Variants in CERS6 observed in about 807,000 individuals in gnomAD.
CERS6 encodes LAG1 homolog, ceramide synthase 6.
Under a neutral mutation model 56.8 loss-of-function variants are expected in CERS6, and 26 were observed. The observed-to-expected ratio is 0.46, with a 90% CI of 0.34 to 0.63. The LOEUF (loss-of-function observed/expected upper bound fraction) is 0.63, where lower values mean the gene tolerates loss of function less well. Ranked by LOEUF, CERS6 falls within the 30% of genes least tolerant of loss-of-function variation. CERS6 has a pLI of 0.01. For synonymous variants in CERS6, 164 were observed against 173.3 expected (o/e 0.95, Z 0.42); for missense variants, 415 against 467.5 (o/e 0.89, Z 1.04).
chr2:168,570,047 G>T (rs1695956444), intron 3 of CERS6, among the ~76,000 whole-genome samples: 1 of 152,110 alleles, frequency 6.6e-6, no homozygotes, highest in African/African-American at 2.4e-5. Flanking sequence ...TGGCCACATG[G>T]CTTCCTCAGA....
At chr2:168,483,769 T>A (rs1249168689) in intron 1 of CERS6, among the ~76,000 whole-genome samples, 4 of 152,166 alleles carry the variant, frequency 2.6e-5, no homozygotes, top group African/African-American at 7.2e-5. Flanking sequence ...AATAAATGAA[T>A]AACTAGGCGT....
chr2:168,473,384 A>G (rs1051506696), intron 1 of CERS6, among the ~76,000 whole-genome samples: 12 of 152,106 alleles, frequency 7.9e-5, no homozygotes, highest in Non-Finnish European at 5.9e-5. Flanking sequence ...TAGTATCTCT[A>G]CAAAAAGGGC....
At chr2:168,618,282 A>C (rs1684367714) in intron 3 of CERS6, among the ~76,000 whole-genome samples, 1 of 152,188 alleles carries the variant, frequency 6.6e-6, no homozygotes, top group Non-Finnish European at 1.5e-5. Flanking sequence ...ATAATACTGA[A>C]TGGGGAAAAG....
chr2:168,680,493 G>A (rs116748035), intron 4 of CERS6, among the ~76,000 whole-genome samples: 1,988 of 152,254 alleles, frequency 0.013, 19 homozygotes, highest in Non-Finnish European at 0.021. Context: ...TCTGCTCACT[G>A]ACTACATTCT....
At chr2:168,746,651 C>T (rs976862312) in intron 8 of CERS6, among the ~76,000 whole-genome samples, 7 of 151,300 alleles carry the variant, frequency 4.6e-5, no homozygotes, top group South Asian at 2.1e-4. Context: ...TGAGTTTTAT[C>T]CCCTTGGTAC....
chr2:168,716,420 TG>T (rs974331819), intron 7 of CERS6, among the ~76,000 whole-genome samples: 10 of 152,098 alleles, frequency 6.6e-5, no homozygotes, highest in African/African-American at 2.2e-4. Context: ...GCATGATGTT[TG>T]GTAGTGCCAT....
chr2:168,520,110 A>C (rs1396138983), intron 1 of CERS6, among the ~76,000 whole-genome samples: 1 of 152,082 alleles, frequency 6.6e-6, no homozygotes, highest in Non-Finnish European at 1.5e-5. Context: ...TTGATTTTTT[A>C]ATAATAGCCA....
At chr2:168,629,782 G>A (rs1421159238) in intron 3 of CERS6, among the ~76,000 whole-genome samples, 1 of 151,996 alleles carries the variant, frequency 6.6e-6, no homozygotes, top group Non-Finnish European at 1.5e-5. Context: ...TGAGAGATTA[G>A]TAATGGAGAT....
chr2:168,557,371 C>A (rs1469272706), intron 2 of CERS6, among the ~76,000 whole-genome samples: 2 of 152,136 alleles, frequency 1.3e-5, no homozygotes, highest in African/African-American at 4.8e-5. Context: ...ATAGTATGAT[C>A]TTCTTGAAAA....
chr2:168,668,515 G>C (rs1226411611), intron 4 of CERS6, among the ~76,000 whole-genome samples: 1 of 142,726 alleles, frequency 7.0e-6, no homozygotes, highest in Non-Finnish European at 1.5e-5. Flanking sequence ...GGCATAATCT[G>C]TACTCACTGC....
intron 9 of CERS6, among the ~76,000 whole-genome samples, chr2:168,767,001 TCTC>T (rs1451881982): frequency 6.6e-6 from 1 of 152,222 alleles, no homozygotes; most frequent in Non-Finnish European, 1.5e-5. Flanking sequence ...TATTTTAAAA[TCTC>T]CTTGTCCTCA....
chr2:168,629,471 G>C (rs80185548), intron 3 of CERS6, among the ~76,000 whole-genome samples: 2,625 of 152,202 alleles, frequency 0.017, 104 homozygotes, highest in East Asian at 0.16. Flanking sequence ...CACAAACCCA[G>C]TCTCCCATTA....
intron 3 of CERS6, among the ~76,000 whole-genome samples, chr2:168,620,062 C>CATAT (rs34372911): frequency 8.6e-5 from 6 of 70,078 alleles, no homozygotes; most frequent in East Asian, 6.8e-4. Flanking sequence ...CACACACACA[C>CATAT]ATATTTATAT....
intron 3 of CERS6, among the ~76,000 whole-genome samples, chr2:168,583,721 C>G (rs1683475270): frequency 6.6e-6 from 1 of 152,194 alleles, no homozygotes; most frequent in Non-Finnish European, 1.5e-5. Flanking sequence ...TGAAAGGCTA[C>G]AGGGTCCATT....
intron 3 of CERS6, among the ~76,000 whole-genome samples, chr2:168,571,774 T>C (rs1423677902): frequency 6.6e-6 from 1 of 152,026 alleles, no homozygotes; most frequent in Non-Finnish European, 1.5e-5. Context: ...ACAGAGTAAA[T>C]GGGGTATCCA....
At chr2:168,668,493 C>T (rs1559044144) in intron 4 of CERS6, among the ~76,000 whole-genome samples, 1 of 145,382 alleles carries the variant, frequency 6.9e-6, no homozygotes. Flanking sequence ...GTCGCCCAGG[C>T]TGGAGTTCAG....
chr2:168,626,190 G>A (rs1684586662), intron 3 of CERS6, among the ~76,000 whole-genome samples: 2 of 152,160 alleles, frequency 1.3e-5, no homozygotes, highest in Non-Finnish European at 2.9e-5. Flanking sequence ...TTGTTGTGTG[G>A]AACAGTTTCA....
At chr2:168,683,858 A>G (rs1432131942) in intron 4 of CERS6, among the ~76,000 whole-genome samples, 3 of 152,112 alleles carry the variant, frequency 2.0e-5, no homozygotes, top group African/African-American at 7.2e-5. Flanking sequence ...TACCACGGTG[A>G]CTGTTAGATG....
In CERS6 at chr2:168,766,378, C is replaced by G. The variant is rs141767400; in HGVS notation, c.1002+630C>G. On this transcript the variant is annotated intron_variant, in intron 9 of 9. Coordinates refer to ENST00000305747, the MANE Select transcript of CERS6 (RefSeq NM_203463.3). ...TCTCCTCCTCTCTCTCTATCCCTGT[C>G]CTGAGTGCCTCTTGCCTGTTGGAGG... 26 of 1,590,120 alleles carry G rather than the reference C, an allele frequency of 1.6e-5. No homozygotes were observed. In the Admixed American group the frequency reaches 4.3e-4, roughly 26 times the overall value.
Sources: gnomAD v4.1 joint callset for allele counts (sites outside exome capture counted in the v4.1 genomes callset) on GRCh38, gnomAD v4.1.1 for gene constraint, MANE v1.5 for transcripts, NCBI Gene and HGNC (gene_info 2026-07-23, HGNC 2026-07-21) for gene names.